The following CDH18 variants were observed in gnomAD, a reference collection of about 807,000 sequenced individuals.
CDH18 encodes cadherin 18, also known as cadherin-18.
In CDH18, 31 loss-of-function variants were observed where a neutral mutation model predicts 67.9. The ratio of observed to expected loss-of-function variants is 0.46; its 90% confidence interval spans 0.34 to 0.62. The LOEUF (loss-of-function observed/expected upper bound fraction) is 0.62, where lower values mean the gene tolerates loss of function less well. CDH18 is among the 20% of genes least tolerant of loss of function. The pLI, the probability that CDH18 is intolerant of heterozygous loss-of-function variation, is 0.01. For synonymous variants in CDH18, 362 were observed against 347.2 expected (o/e 1.04, Z -0.48); for missense variants, 890 against 975.5 (o/e 0.91, Z 1.17).
chr5:19,484,656 C>T (rs1579720760), intron 11 of CDH18, among the ~76,000 whole-genome samples: 1 of 152,166 alleles, frequency 6.6e-6, no homozygotes, highest in Non-Finnish European at 1.5e-5. Context: ...TTGGGCCATC[C>T]CCCTTCCTGC....
intron 2 of CDH18, among the ~76,000 whole-genome samples, chr5:20,184,259 T>G (rs968105142): frequency 1.3e-5 from 2 of 152,048 alleles, no homozygotes; most frequent in African/African-American, 2.4e-5. Context: ...AAAAATAATT[T>G]GTTACGATTT....
intron 1 of CDH18, among the ~76,000 whole-genome samples, chr5:20,462,324 G>A (rs1361199314): frequency 2.0e-5 from 3 of 152,264 alleles, no homozygotes; most frequent in East Asian, 3.9e-4. Flanking sequence ...CGTGGAAGTA[G>A]GGAGTAGAAT....
intron 2 of CDH18, among the ~76,000 whole-genome samples, chr5:19,908,918 G>C (rs188620890): frequency 1.4e-3 from 212 of 152,294 alleles, no homozygotes; most frequent in Non-Finnish European, 1.8e-3. Flanking sequence ...ATGTGGATCA[G>C]TGCAGTGGAT....
At chr5:20,480,389 AG>A (rs1327514462) in intron 1 of CDH18, among the ~76,000 whole-genome samples, 1 of 152,114 alleles carries the variant, frequency 6.6e-6, no homozygotes, top group Non-Finnish European at 1.5e-5. Context: ...TTCAATAAGG[AG>A]GAATTATGCT....
intron 1 of CDH18, among the ~76,000 whole-genome samples, chr5:20,457,080 G>T (rs1322476262): frequency 6.6e-6 from 1 of 152,118 alleles, no homozygotes; most frequent in African/African-American, 2.4e-5. Context: ...CTACTTTTAC[G>T]TGCAAGCAGA....
intron 1 of CDH18, among the ~76,000 whole-genome samples, chr5:20,460,644 C>T (rs975740989): frequency 2.6e-4 from 39 of 151,734 alleles, no homozygotes; most frequent in Middle Eastern, 3.4e-3. Flanking sequence ...AGATTTTAGA[C>T]ATCAGTTATT....
chr5:19,494,890 G>C (rs1327440961), intron 11 of CDH18, among the ~76,000 whole-genome samples: 1 of 152,188 alleles, frequency 6.6e-6, no homozygotes, highest in African/African-American at 2.4e-5. Flanking sequence ...TTGGAAAAGA[G>C]AATGAGTTGG....
At chr5:20,000,821 G>C (rs371838512) in intron 2 of CDH18, among the ~76,000 whole-genome samples, 9 of 151,976 alleles carry the variant, frequency 5.9e-5, no homozygotes, top group African/African-American at 1.4e-4. Flanking sequence ...ATAGAGGAGA[G>C]AAAAGAAGGG....
At chr5:20,012,512 T>C (rs1737539410) in intron 2 of CDH18, among the ~76,000 whole-genome samples, 1 of 151,940 alleles carries the variant, frequency 6.6e-6, no homozygotes, top group African/African-American at 2.4e-5. Context: ...TGCAATCACA[T>C]TTCCAGTAGC....
chr5:19,746,935 T>G lies in CDH18; in HGVS notation c.523+7A>C, dbSNP rs1204545195. The stretch of plus-strand genomic sequence containing the variant: ...AATTGCATAATCACAAAAATGATTT[T>G]TCTTACCCATATCTGACATTTCAGG... On this transcript the variant is annotated splice_region_variant and intron_variant, in intron 4 of 12. Coordinates refer to ENST00000382275, the MANE Select transcript of CDH18 (RefSeq NM_004934.5). 6.2e-7 allele frequency: 1 copy of G among 1,608,240 alleles called. No individual in the cohort carries two copies. The highest frequency in any genetic ancestry group is 2.2e-5 in the East Asian group (1 of 44,724).
chr5:20,096,658 C>A (rs1561787631), intron 2 of CDH18, among the ~76,000 whole-genome samples: 1 of 152,118 alleles, frequency 6.6e-6, no homozygotes, highest in East Asian at 1.9e-4. Flanking sequence ...AATTAGAAGT[C>A]ATTTACATAA....
chr5:20,437,857 T>C (rs1319912998), intron 1 of CDH18, among the ~76,000 whole-genome samples: 2 of 151,304 alleles, frequency 1.3e-5, no homozygotes, highest in African/African-American at 4.9e-5. Context: ...AAAAATCCTG[T>C]GTGTATAATA....
intron 2 of CDH18, among the ~76,000 whole-genome samples, chr5:20,241,892 G>GTATATATATATATATATATATATA (rs1554106527): frequency 3.4e-5 from 1 of 29,288 alleles, no homozygotes; most frequent in African/African-American, 9.3e-5. Context: ...ATATATATAT[G>GTATATATATATATATATATATATA]TATATATATA....
At chr5:20,397,435 A>C (rs6451823) in intron 1 of CDH18, among the ~76,000 whole-genome samples, 99,776 of 151,834 alleles carry the variant, frequency 0.66, 32,947 homozygotes, top group Middle Eastern at 0.69. Context: ...CCCGGCCAGG[A>C]TTTTTTTGAC....
At chr5:19,830,182 G>T (rs528635507) in intron 3 of CDH18, among the ~76,000 whole-genome samples, 1 of 152,146 alleles carries the variant, frequency 6.6e-6, no homozygotes, top group South Asian at 2.1e-4. Flanking sequence ...AACAAAAAAT[G>T]ACAAATGGGA....
At position 19,749,415 on chromosome 5, in the gene CDH18, G is replaced by T. The variant is rs1770539497; in HGVS notation, c.229-2179C>A. Among the ~76,000 whole-genome samples, 4 of 151,310 alleles carry T rather than the reference G, an allele frequency of 2.6e-5. No individual in the cohort carries two copies. In the South Asian group the frequency reaches 8.3e-4, roughly 31 times the overall value. On this transcript the variant is annotated intron_variant, in intron 3 of 12. Transcript: ENST00000382275. ...TTATGTCTTTTAACAATTTCTAAAA[G>T]TTTAACAATGATGAAAATTGGCATT...
chr5:19,612,414 C>A lies in CDH18; in HGVS notation c.811+20G>T. 2 of 1,610,516 alleles carry A rather than the reference C, an allele frequency of 1.2e-6. No individual in the cohort carries two copies. Among genetic ancestry groups the A allele is most frequent in the Non-Finnish European group, 1.7e-6 (2 of 1,177,118 alleles). ...TAAAGAGATAATGATAAATTCAAAT[C>A]ATGGAAAACAAATACGTACTTTGAG... On this transcript the variant is annotated intron_variant, in intron 6 of 12. Coordinates refer to ENST00000382275, the MANE Select transcript of CDH18 (RefSeq NM_004934.5).
At chr5:19,775,822 A>G (rs956247423) in intron 3 of CDH18, among the ~76,000 whole-genome samples, 8 of 152,190 alleles carry the variant, frequency 5.3e-5, no homozygotes, top group Admixed American at 2.6e-4. Flanking sequence ...AATAAAACAG[A>G]TTAGAAACAC....
chr5:20,375,498 A>G (rs554159543), intron 1 of CDH18, among the ~76,000 whole-genome samples: 166 of 152,292 alleles, frequency 1.1e-3, no homozygotes, highest in Non-Finnish European at 1.9e-3. Flanking sequence ...AGACACTACA[A>G]TAACAACAAC....
Sources: gnomAD v4.1 joint callset for allele counts (sites outside exome capture counted in the v4.1 genomes callset) on GRCh38, gnomAD v4.1.1 for gene constraint, MANE v1.5 for transcripts, NCBI Gene and HGNC (gene_info 2026-07-23, HGNC 2026-07-21) for gene names.